Variants in TRAK1 observed in about 807,000 individuals in gnomAD.
The protein encoded by TRAK1 is trafficking kinesin protein 1.
TRAK1 carries 33 observed loss-of-function variants against 92.1 expected under a neutral mutation model. The observed-to-expected ratio is 0.36, with a 90% CI of 0.27 to 0.48. The LOEUF (loss-of-function observed/expected upper bound fraction) is 0.48, where lower values mean the gene tolerates loss of function less well. TRAK1 is among the 20% of genes least tolerant of loss of function. The pLI is 0.99. For missense variants in TRAK1, 1,123 were observed against 1,257.9 expected (o/e 0.89, Z 1.62); for synonymous variants, 521 against 517.3 (o/e 1.01, Z -0.10).
chr3:42,022,905 TC>T (rs1701773041), intron 1 of TRAK1, among the ~76,000 whole-genome samples: 1 of 151,964 alleles, frequency 6.6e-6, no homozygotes, highest in Non-Finnish European at 1.5e-5. Flanking sequence ...ACACCTGTAA[TC>T]CCAGCACTTT....
Position 42,068,158 on chromosome 3 carries a change from TA to T in TRAK1, c.-518-18934del, listed in dbSNP as rs879692318. Among the ~76,000 whole-genome samples, 281 of 141,612 alleles carry T rather than the reference TA, an allele frequency of 2.0e-3. 2 individuals are homozygous for T. The highest frequency in any genetic ancestry group is 2.0e-3 in the South Asian group (9 of 4,412). 92.9% of individuals were successfully genotyped at this position (141,612 alleles called of 152,430 possible). The stretch of plus-strand genomic sequence containing the variant: ...ATGGGCAAGAGAGCGAGACTCTGTC[TA>T]AAAAAAAAAAAGAAGAAACAGGATC... On this transcript the variant is annotated intron_variant, in intron 1 of 16. Transcript: ENST00000487159.
chr3:42,024,429 A>G (rs1174325006), intron 1 of TRAK1, among the ~76,000 whole-genome samples: 1 of 152,274 alleles, frequency 6.6e-6, no homozygotes, highest in Non-Finnish European at 1.5e-5. Flanking sequence ...TCGCAGTTGC[A>G]TAAAAGTATT....
At chr3:42,046,350 AAAG>A (rs1702749636) in intron 1 of TRAK1, among the ~76,000 whole-genome samples, 2 of 151,910 alleles carry the variant, frequency 1.3e-5, no homozygotes, top group African/African-American at 4.8e-5. Flanking sequence ...AAAAAAAAAA[AAAG>A]ACCACACATA....
intron 4 of TRAK1, among the ~76,000 whole-genome samples, chr3:42,186,764 A>G (rs766766121): frequency 2.6e-5 from 4 of 152,204 alleles, no homozygotes; most frequent in Non-Finnish European, 5.9e-5. Context: ...TCCCCCTTGG[A>G]AAAGCTTTGA....
chr3:42,107,443 C>T (rs978214881), intron 1 of TRAK1, among the ~76,000 whole-genome samples: 4 of 150,574 alleles, frequency 2.7e-5, no homozygotes, highest in African/African-American at 4.9e-5. Context: ...ACCCAGGAGG[C>T]GGAGGTTGCA....
At chr3:42,220,661 C>A (rs1316286601) in intron 15 of TRAK1, 5 of 938,226 alleles carry the variant, frequency 5.3e-6, no homozygotes, top group Non-Finnish European at 6.4e-6. Context: ...CACGCGTGGC[C>A]GCCACTAACC....
At chr3:42,109,748 T>C (rs142605981) in intron 1 of TRAK1, among the ~76,000 whole-genome samples, 1,525 of 152,186 alleles carry the variant, frequency 0.01, 9 homozygotes, top group Middle Eastern at 0.02. Flanking sequence ...GTGGCACATA[T>C]ACACCATGCA....
At chr3:42,015,304 G>A (rs1701473608) in intron 1 of TRAK1, among the ~76,000 whole-genome samples, 1 of 152,180 alleles carries the variant, frequency 6.6e-6, no homozygotes, top group Non-Finnish European at 1.5e-5. Flanking sequence ...TCGGTTTAAA[G>A]CCCTTGTCTC....
At chr3:42,108,644 A>G (rs932096386) in intron 1 of TRAK1, among the ~76,000 whole-genome samples, 3 of 152,106 alleles carry the variant, frequency 2.0e-5, no homozygotes, top group African/African-American at 7.2e-5. Context: ...CACCCCGGAC[A>G]CTACCTGGCA....
At chr3:42,148,320 T>G (rs1699571322) in intron 2 of TRAK1, among the ~76,000 whole-genome samples, 1 of 152,180 alleles carries the variant, frequency 6.6e-6, no homozygotes, top group African/African-American at 2.4e-5. Flanking sequence ...AAGAATTACC[T>G]AACCTCAAAT....
chr3:42,055,580 A>G (rs1441450731), intron 1 of TRAK1, among the ~76,000 whole-genome samples: 1 of 152,162 alleles, frequency 6.6e-6, no homozygotes, highest in Non-Finnish European at 1.5e-5. Flanking sequence ...CTCCCATATC[A>G]GCTTCCTGAG....
intron 1 of TRAK1, among the ~76,000 whole-genome samples, chr3:42,036,579 C>G (rs1455683758): frequency 6.6e-6 from 1 of 152,204 alleles, no homozygotes; most frequent in African/African-American, 2.4e-5. Flanking sequence ...AAGCTGTAAT[C>G]ACCAGAGCAG....
At chr3:42,080,606 C>T (rs1704384375) in intron 1 of TRAK1, among the ~76,000 whole-genome samples, 1 of 152,190 alleles carries the variant, frequency 6.6e-6, no homozygotes, top group African/African-American at 2.4e-5. Context: ...AGCCAGAGAA[C>T]ATCCAGGGCA....
chr3:42,156,343 T>G (rs1481226627), intron 2 of TRAK1, among the ~76,000 whole-genome samples: 3 of 152,070 alleles, frequency 2.0e-5, no homozygotes, highest in African/African-American at 7.2e-5. Context: ...AAAGAAGAGA[T>G]TGGGAGAGGG....
intron 13 of TRAK1, among the ~76,000 whole-genome samples, chr3:42,207,219 G>A (rs1468691411): frequency 1.3e-5 from 2 of 152,146 alleles, no homozygotes; most frequent in African/African-American, 2.4e-5. Context: ...AAGACTTCTC[G>A]TGGTGCTATT....
In TRAK1 at chr3:42,223,960, C is replaced by T. The variant is rs774773952; in HGVS notation, c.*223C>T. 4 of 645,852 alleles carry T rather than the reference C, an allele frequency of 6.2e-6. No individual in the cohort carries two copies. Among genetic ancestry groups the T allele is most frequent in the Non-Finnish European group, 1.1e-5 (4 of 361,442 alleles). 40.0% of individuals were successfully genotyped at this position (645,852 alleles called of 1,614,324 possible). On this transcript the variant is annotated 3_prime_UTR_variant, in exon 16 of 16. Transcript: ENST00000327628. This position sits in a 1 kb window ranked among gnomAD's most constrained non-coding sequence, Gnocchi z 6.1. The stretch of plus-strand genomic sequence containing the variant: ...CTTGTGTCCGCCCTGCTCTTTCTTC[C>T]GATCCCACAGGAAGTGCCCCTGCAC...
chr3:42,209,898 A>C lies in TRAK1; in HGVS notation c.1876A>C (p.Asn626His). 1 of 1,614,200 alleles carries C rather than the reference A, an allele frequency of 6.2e-7. No individual in the cohort carries two copies. The highest frequency in any genetic ancestry group is 1.1e-5 in the South Asian group (1 of 91,084). Reference protein sequence around the residue: ...DVDLDEVYCLNDFEEDDTGDH... With the variant: ...DVDLDEVYCLHDFEEDDTGDH... ...TGACCTGGACGAAGTGTACTGCCTTAACGACTTTGAAGAAGATGACACAGG... is the reference window on the plus strand; with the variant it reads ...TGACCTGGACGAAGTGTACTGCCTTCACGACTTTGAAGAAGATGACACAGG... Residue 626 changes from asparagine to histidine, a missense_variant, in exon 14 of 16, where the codon AAC becomes CAC. Transcript: ENST00000327628.
chr3:42,041,588 A>G (rs1174305221), intron 1 of TRAK1, among the ~76,000 whole-genome samples: 1 of 134,404 alleles, frequency 7.4e-6, no homozygotes, highest in Non-Finnish European at 1.5e-5. Flanking sequence ...CCTCCTCAAT[A>G]TGAGGGCCCT....
chr3:42,176,526 C>G (rs1263000897), intron 2 of TRAK1, among the ~76,000 whole-genome samples: 1 of 152,174 alleles, frequency 6.6e-6, no homozygotes, highest in Non-Finnish European at 1.5e-5. Context: ...GGCCAGACCC[C>G]CTTCCACTCC....
Sources: allele counts gnomAD v4.1 joint callset (sites outside exome capture counted in the v4.1 genomes callset), GRCh38; gene constraint gnomAD v4.1.1; non-coding constraint Gnocchi (gnomAD v3.1); transcripts MANE v1.5; gene names NCBI Gene and HGNC (gene_info 2026-07-23, HGNC 2026-07-21).